GTF2I: variants seen among roughly 807,000 people sequenced by gnomAD.
The protein encoded by GTF2I is general transcription factor II-I.
A neutral mutation model predicts 67.6 loss-of-function variants in GTF2I; 12 were observed. The observed-to-expected ratio is 0.18, with a 90% confidence interval of 0.11 to 0.29. The LOEUF is 0.29. GTF2I is among the 10% of genes least tolerant of loss of function. The pLI, the probability that GTF2I is intolerant of heterozygous loss-of-function variation, is 1.00. For synonymous variants in GTF2I, 149 were observed against 197.0 expected, an observed-to-expected ratio of 0.76 and a Z score of 2.04; for missense variants, 271 against 580.1, an observed-to-expected ratio of 0.47 and a Z score of 5.47.
At chr7:74,668,862 G>A (rs1295322258) in intron 1 of GTF2I, among the ~76,000 whole-genome samples, 2 of 151,970 alleles carry the variant, frequency 1.3e-5, no homozygotes, top group Non-Finnish European at 2.9e-5. Flanking sequence ...GTGAGCCACC[G>A]TGCCTGGCTA....
intron 1 of GTF2I, among the ~76,000 whole-genome samples, chr7:74,674,936 T>G (rs1370143425): frequency 6.6e-6 from 1 of 151,844 alleles, no homozygotes; most frequent in African/African-American, 2.4e-5. Flanking sequence ...TCACTGCAAC[T>G]TCTTCCTCCT....
At chr7:74,688,190 T>A (rs1787912315) in intron 1 of GTF2I, among the ~76,000 whole-genome samples, 1 of 152,138 alleles carries the variant, frequency 6.6e-6, no homozygotes, top group South Asian at 2.1e-4. Context: ...GCGATTCCCC[T>A]GTCTCAGACT....
intron 1 of GTF2I, among the ~76,000 whole-genome samples, chr7:74,686,488 G>C (rs1447746174): frequency 6.6e-6 from 1 of 152,188 alleles, no homozygotes; most frequent in East Asian, 1.9e-4. Flanking sequence ...TGTAAAATGA[G>C]AACACATCTC....
chr7:74,661,000 A>G (rs1342475462), intron 1 of GTF2I, among the ~76,000 whole-genome samples: 1 of 152,138 alleles, frequency 6.6e-6, no homozygotes, highest in Non-Finnish European at 1.5e-5. Flanking sequence ...TTGGATGTAC[A>G]GTATTTTTCT....
intron 3 of GTF2I, among the ~76,000 whole-genome samples, chr7:74,698,234 C>T (rs1395870016): frequency 6.6e-6 from 1 of 151,724 alleles, no homozygotes; most frequent in Non-Finnish European, 1.5e-5. Context: ...GGATTACAGG[C>T]GTGAGCCACC....
chr7:74,680,099 A>AAAAAATATATATAT, intron 1 of GTF2I, among the ~76,000 whole-genome samples: 1 of 94,998 alleles, frequency 1.1e-5, no homozygotes, highest in African/African-American at 4.0e-5. Context: ...AAAAAAAAAA[A>AAAAAATATATATAT]ATATATATAT....
At chr7:74,704,253 A>T (rs587676808) in intron 6 of GTF2I, among the ~76,000 whole-genome samples, 4 of 120,272 alleles carry the variant, frequency 3.3e-5, no homozygotes, top group Non-Finnish European at 5.6e-5. Context: ...AGTTTTTTTT[A>T]AACTTAATTA....
In GTF2I at chr7:74,689,152, C is replaced by T. The variant is rs587651814; in HGVS notation, c.24C>T (p.Thr8=). The T allele has an allele frequency of 6.2e-7, 1 of 1,611,784 alleles. No individual in the cohort carries two copies. The highest frequency in any genetic ancestry group is 1.3e-5 in the African/African-American group (1 of 74,920). ...TCATGGCCCAAGTTGCAATGTCCAC[C>T]CTCCCCGTTGAAGATGAGGAGTCCT... is the stretch of plus-strand genomic sequence containing the variant. MAQVAMS[T]LPVEDEESSE... Residue 8 remains threonine (T), a synonymous_variant, in exon 2 of 35, where the codon ACC becomes ACT. Transcript: ENST00000573035.
At chr7:74,715,139 G>A (rs1002959782) in intron 10 of GTF2I, among the ~76,000 whole-genome samples, 1 of 151,886 alleles carries the variant, frequency 6.6e-6, no homozygotes, top group Non-Finnish European at 1.5e-5. Flanking sequence ...ATCTCGAAAT[G>A]GGTACATGAC....
chr7:74,685,310 A>T (rs1478507771), intron 1 of GTF2I, among the ~76,000 whole-genome samples: 1 of 152,216 alleles, frequency 6.6e-6, no homozygotes, highest in Non-Finnish European at 1.5e-5. Flanking sequence ...AGCCTGACCA[A>T]TATGGTGAAA....
chr7:74,721,328 A>G (rs1467557888), intron 12 of GTF2I, among the ~76,000 whole-genome samples: 1 of 152,200 alleles, frequency 6.6e-6, no homozygotes, highest in Non-Finnish European at 1.5e-5. Flanking sequence ...GGCATGAGCC[A>G]CCGCACCTGG....
chr7:74,664,574 C>T (rs937691987), intron 1 of GTF2I, among the ~76,000 whole-genome samples: 1 of 152,004 alleles, frequency 6.6e-6, no homozygotes, highest in Non-Finnish European at 1.5e-5. Flanking sequence ...GCTGGGATTA[C>T]AGGTGTGTGC....
chr7:74,676,866 GC>G (rs1805948737), intron 1 of GTF2I, among the ~76,000 whole-genome samples: 1 of 152,030 alleles, frequency 6.6e-6, no homozygotes, highest in Non-Finnish European at 1.5e-5. Flanking sequence ...GACCAGCCTG[GC>G]CAACATGGGG....
chr7:74,707,544 T>C (rs1334465558), intron 8 of GTF2I, among the ~76,000 whole-genome samples: 4 of 152,222 alleles, frequency 2.6e-5, no homozygotes, highest in Admixed American at 2.0e-4. Flanking sequence ...CTTTTATGTA[T>C]GTAAGTGTAT....
intron 1 of GTF2I, among the ~76,000 whole-genome samples, chr7:74,658,414 G>C (rs1293695662): frequency 1.4e-5 from 2 of 145,374 alleles, no homozygotes; most frequent in Non-Finnish European, 3.1e-5. Context: ...GCGTGCGGTG[G>C]GGGGGCGCCT....
intron 28 of GTF2I, 70 bp from the exon 29 acceptor site, chr7:74,753,024 T>A (rs2523275): frequency 0.082 from 127,891 of 1,553,566 alleles, 750 homozygotes; most frequent in African/African-American, 0.34. Context: ...CATCGTGAGA[T>A]ACCATCTCTT....
intron 12 of GTF2I, among the ~76,000 whole-genome samples, chr7:74,723,781 T>C (rs1360646520): frequency 4.8e-4 from 72 of 150,378 alleles, no homozygotes; most frequent in African/African-American, 1.7e-3. Context: ...TCCTCGGGAG[T>C]GTTTTGCAAA....
intron 3 of GTF2I, among the ~76,000 whole-genome samples, chr7:74,697,117 G>A (rs1334701318): frequency 6.6e-6 from 1 of 152,012 alleles, no homozygotes; most frequent in Non-Finnish European, 1.5e-5. Context: ...TTATTAATGG[G>A]CCGGGTGTGG....
At chr7:74,687,456 C>T (rs1787836849) in intron 1 of GTF2I, 1 of 416,278 alleles carries the variant, frequency 2.4e-6, no homozygotes, top group Non-Finnish European at 3.2e-6. Flanking sequence ...CTCCTGACCT[C>T]AAGAGATCCA....
Sources: allele counts gnomAD v4.1 joint callset (sites outside exome capture counted in the v4.1 genomes callset), GRCh38; gene constraint gnomAD v4.1.1; transcripts MANE v1.5; gene names NCBI Gene and HGNC (gene_info 2026-07-23, HGNC 2026-07-21).